Variants in FNBP1 observed in about 807,000 individuals in gnomAD.
FNBP1 encodes the protein formin binding protein 1.
In FNBP1, 26 loss-of-function variants were observed where a neutral mutation model predicts 90.6. The observed-to-expected ratio is 0.29, with a 90% CI of 0.21 to 0.40. FNBP1 has a LOEUF of 0.40. Among genes scored for constraint, FNBP1 ranks in the 10% least tolerant of loss-of-function variants. The pLI is 1.00. For synonymous variants in FNBP1, 260 were observed against 265.2 expected (o/e 0.98, Z 0.19); for missense variants, 635 against 768.0 (o/e 0.83, Z 2.05).
At chr9:129,940,645 T>C (rs969505698) in intron 6 of FNBP1, among the ~76,000 whole-genome samples, 5 of 151,798 alleles carry the variant, frequency 3.3e-5, no homozygotes, top group Admixed American at 2.0e-4. Flanking sequence ...TACATATTTT[T>C]AGATGGAGTC....
intron 4 of FNBP1, among the ~76,000 whole-genome samples, chr9:129,963,989 G>A (rs1294697749): frequency 6.6e-6 from 1 of 152,088 alleles, no homozygotes; most frequent in African/African-American, 2.4e-5. Context: ...CGTGCTGGGG[G>A]ATCCTTCAGG....
intron 15 of FNBP1, among the ~76,000 whole-genome samples, chr9:129,896,848 C>A (rs1348358566): frequency 1.3e-5 from 2 of 152,158 alleles, no homozygotes; most frequent in Non-Finnish European, 2.9e-5. Context: ...TCAGGCTGGT[C>A]TTGAACTCCT....
In FNBP1 at chr9:129,994,978, G is replaced by A; in HGVS notation, c.25-20C>T. 3 of 1,116,152 alleles carry A rather than the reference G, an allele frequency of 2.7e-6. No homozygotes were observed. Among genetic ancestry groups the A allele is most frequent in the Middle Eastern group, 2.0e-4 (1 of 5,110 alleles). The allele number at this position is 1,116,152 out of a possible 1,614,324, so 69.1% of individuals were successfully genotyped here. On this transcript the variant is annotated intron_variant, in intron 1 of 16. Transcript: ENST00000446176. Reference sequence around the variant, plus strand: ...CTGATCCTGTTGAAACAAACCAAGAGAGAAGTTATGGTCTTTCCCTGTGAT... The same window carrying A: ...CTGATCCTGTTGAAACAAACCAAGAAAGAAGTTATGGTCTTTCCCTGTGAT...
At chr9:130,021,500 C>T (rs2057820893) in intron 1 of FNBP1, among the ~76,000 whole-genome samples, 1 of 152,204 alleles carries the variant, frequency 6.6e-6, no homozygotes, top group South Asian at 2.1e-4. Context: ...CCACTAAATA[C>T]TGGTTTTAGT....
At chr9:129,985,907 G>T (rs1470108351) in intron 2 of FNBP1, among the ~76,000 whole-genome samples, 1 of 140,142 alleles carries the variant, frequency 7.1e-6, no homozygotes, top group Non-Finnish European at 1.5e-5. Context: ...GTTGCAGTGA[G>T]CCAAGATCAT....
chr9:129,905,879 C>CTTTTTTTTTTTTTTTTTTTTTTTTTTTT (rs35439760), intron 12 of FNBP1, among the ~76,000 whole-genome samples: 1 of 145,394 alleles, frequency 6.9e-6, no homozygotes, highest in South Asian at 2.2e-4. Context: ...AGGCATATTT[C>CTTTTTTTTTTTTTTTTTTTTTTTTTTTT]TTTTTTTTTT....
chr9:130,048,095 G>A (rs1022203105), upstream of FNBP1, among the ~76,000 whole-genome samples: 14 of 151,664 alleles, frequency 9.2e-5, no homozygotes, highest in Non-Finnish European at 1.5e-4. Flanking sequence ...CGAGGCAGGC[G>A]GATCGCTTGA....
At chr9:129,912,938 G>T (rs1248633997) in intron 11 of FNBP1, among the ~76,000 whole-genome samples, 1 of 151,850 alleles carries the variant, frequency 6.6e-6, no homozygotes, top group African/African-American at 2.4e-5. Flanking sequence ...ACTCAACAGC[G>T]GTTGGGCGTG....
chr9:129,974,097 C>T (rs1295357873), intron 4 of FNBP1, among the ~76,000 whole-genome samples: 1 of 152,200 alleles, frequency 6.6e-6, no homozygotes, highest in Non-Finnish European at 1.5e-5. Context: ...GCTGGGATTA[C>T]AGGCGTGAGT....
chr9:129,938,389 T>C (rs1311097375), intron 6 of FNBP1, among the ~76,000 whole-genome samples: 1 of 152,060 alleles, frequency 6.6e-6, no homozygotes, highest in African/African-American at 2.4e-5. Flanking sequence ...GTGCTGTGAG[T>C]TTTTGTTGGA....
intron 1 of FNBP1, among the ~76,000 whole-genome samples, chr9:130,010,764 CT>C (rs111591184): frequency 5.3e-4 from 75 of 140,508 alleles, no homozygotes; most frequent in East Asian, 3.6e-3. Context: ...TTCTTTGGGT[CT>C]TTTTTTTTTT....
At chr9:129,967,982 CTTTT>C (rs781442852) in intron 4 of FNBP1, among the ~76,000 whole-genome samples, 2 of 140,226 alleles carry the variant, frequency 1.4e-5, no homozygotes, top group Non-Finnish European at 1.6e-5. Context: ...AGCTGGAAAA[CTTTT>C]TTTTTTTTTT....
rs555897904 is a variant in FNBP1 at position 129,909,497 on chromosome 9, C to A, written c.1186-498G>T. Among the ~76,000 whole-genome samples, 38 of 152,180 alleles carry A rather than the reference C, an allele frequency of 2.5e-4. No homozygotes were observed. The South Asian group carries it at 7.5e-3, about 30-fold the overall frequency. ...CACAGGCTGAGGCCAAAAGTCTCCA[C>A]CCCTGTAAAGTGACAGATGGGACAT... On this transcript the variant is annotated intron_variant, in intron 11 of 16. Coordinates refer to ENST00000446176, the MANE Select transcript of FNBP1 (RefSeq NM_015033.3).
At chr9:129,895,537 A>G (rs2035571466) in intron 16 of FNBP1, 1 of 1,224,506 alleles carries the variant, frequency 8.2e-7, no homozygotes, top group Non-Finnish European at 1.0e-6. Context: ...TTTAATCTAC[A>G]GATACCGCCA....
intron 3 of FNBP1, 81 bp from the exon 4 acceptor site, chr9:129,978,693 A>G (rs1439483441): frequency 7.0e-7 from 1 of 1,429,160 alleles, no homozygotes; most frequent in Admixed American, 2.1e-5. Context: ...GAAAATATTA[A>G]TTAAAATCAG....
At chr9:129,921,894 G>T (rs1434454640) in intron 10 of FNBP1, among the ~76,000 whole-genome samples, 4 of 152,182 alleles carry the variant, frequency 2.6e-5, no homozygotes, top group Non-Finnish European at 4.4e-5. Flanking sequence ...ACTCAAGAAA[G>T]GATGGCATCC....
In FNBP1 at chr9:130,031,692, C is replaced by T. The variant is rs1234772625; in HGVS notation, c.24+11260G>A. 1.3e-5 allele frequency among the ~76,000 whole-genome samples: 2 copies of T among 151,976 alleles called. No homozygotes were observed. Among genetic ancestry groups the T allele is most frequent in the Non-Finnish European group, 2.9e-5 (2 of 68,012 alleles). Reference sequence around the variant, plus strand: ...CTTTCTTTTTTTTGACAGGGAGTCTCGCTCTGTTGCCCAGGCTGGAGTGCA... The same window carrying T: ...CTTTCTTTTTTTTGACAGGGAGTCTTGCTCTGTTGCCCAGGCTGGAGTGCA... On this transcript the variant is annotated intron_variant, in intron 1 of 16. Transcript: ENST00000446176. The surrounding 1 kb of genome is among the most constrained non-coding windows in gnomAD (Gnocchi z 4.2).
At chr9:129,970,317 T>C (rs1283951323) in intron 4 of FNBP1, among the ~76,000 whole-genome samples, 1 of 152,152 alleles carries the variant, frequency 6.6e-6, no homozygotes, top group Non-Finnish European at 1.5e-5. Flanking sequence ...GCAATTCTCC[T>C]GCCTCAGCCT....
chr9:129,918,730 C>G (rs1352237930), intron 10 of FNBP1, among the ~76,000 whole-genome samples: 6 of 152,118 alleles, frequency 3.9e-5, no homozygotes, highest in African/African-American at 9.7e-5. Context: ...ACACTGCCGT[C>G]TGTAAGAGCG....
Sources: gnomAD v4.1 joint callset for allele counts (sites outside exome capture counted in the v4.1 genomes callset) on GRCh38, gnomAD v4.1.1 for gene constraint, Gnocchi (gnomAD v3.1) non-coding constraint, MANE v1.5 for transcripts, NCBI Gene and HGNC (gene_info 2026-07-23, HGNC 2026-07-21) for gene names.